JMJD1C: variants seen among roughly 807,000 people sequenced by gnomAD.
The protein encoded by JMJD1C is jumonji domain-containing protein 1C.
In JMJD1C, 31 loss-of-function variants were observed where a neutral mutation model predicts 245.3. That is an observed-to-expected ratio of 0.13 (90% CI 0.09 to 0.17). The LOEUF is 0.17. JMJD1C is among the 10% of genes least tolerant of loss of function. The pLI is 1.00. For missense variants in JMJD1C, 2,691 were observed against 3,000.2 expected (o/e 0.90, Z 2.41); for synonymous variants, 1,057 against 1,017.4 (o/e 1.04, Z -0.74).
intron 2 of JMJD1C, chr10:63,301,910 A>G (rs1466122580): frequency 7.1e-6 from 2 of 283,640 alleles, no homozygotes; most frequent in Non-Finnish European, 1.4e-5. Context: ...AAAACTTACT[A>G]TGACGTGGAA....
chr10:63,363,850 CTAA>C, intron 2 of JMJD1C, among the ~76,000 whole-genome samples: 1 of 142,016 alleles, frequency 7.0e-6, no homozygotes. Context: ...CCATGCCTGG[CTAA>C]TTTTTTTTTT....
At chr10:63,508,051 T>C (rs892701899) in intron 1 of JMJD1C, among the ~76,000 whole-genome samples, 1 of 151,344 alleles carries the variant, frequency 6.6e-6, no homozygotes, top group South Asian at 2.1e-4. Flanking sequence ...ACAGTGTCTT[T>C]TGCAGAGAAA....
chr10:63,311,821 T>C (rs1196785441), intron 2 of JMJD1C, among the ~76,000 whole-genome samples: 2 of 152,128 alleles, frequency 1.3e-5, no homozygotes, highest in East Asian at 3.9e-4. Flanking sequence ...ACAAGAACAC[T>C]TTTATTTCAA....
intron 10 of JMJD1C, chr10:63,203,815 G>A: frequency 1.0e-6 from 1 of 963,270 alleles, no homozygotes; most frequent in Non-Finnish European, 1.2e-6. Context: ...ATGTATAACG[G>A]TGTATGTAAT....
At chr10:63,380,549 G>T in intron 1 of JMJD1C, 67 bp from the exon 2 acceptor site, 1 of 1,217,426 alleles carries the variant, frequency 8.2e-7, no homozygotes. Flanking sequence ...TTTTACTAAT[G>T]CATAATAATT....
chr10:63,292,143 G>GTTTTTTTTTTTTTTTTTTTTT (rs1396774570), intron 2 of JMJD1C, among the ~76,000 whole-genome samples: 1 of 13,540 alleles, frequency 7.4e-5, no homozygotes, highest in Non-Finnish European at 1.8e-4. Context: ...TGTAGAGACA[G>GTTTTTTTTTTTTTTTTTTTTT]ATTTTTTTTT....
chr10:63,410,527 C>T (rs1167891861), intron 1 of JMJD1C, among the ~76,000 whole-genome samples: 1 of 152,100 alleles, frequency 6.6e-6, no homozygotes. Flanking sequence ...GAAAAACCTT[C>T]CATAAGAATC....
At chr10:63,432,966 C>T (rs1950851150) in intron 1 of JMJD1C, among the ~76,000 whole-genome samples, 1 of 152,186 alleles carries the variant, frequency 6.6e-6, no homozygotes, top group South Asian at 2.1e-4. Flanking sequence ...AAAGGTGATG[C>T]TTTCATTAAC....
At chr10:63,331,734 T>C (rs532047639) in intron 2 of JMJD1C, among the ~76,000 whole-genome samples, 2 of 152,276 alleles carry the variant, frequency 1.3e-5, no homozygotes, top group South Asian at 4.1e-4. Context: ...TGCCTCAGCC[T>C]CCCAAGAAGC....
At chr10:63,503,153 G>A (rs1954613545) in intron 1 of JMJD1C, among the ~76,000 whole-genome samples, 1 of 152,228 alleles carries the variant, frequency 6.6e-6, no homozygotes, top group South Asian at 2.1e-4. Flanking sequence ...TAATGACCAA[G>A]TTCCAAAAGC....
At chr10:63,180,114 TCTC>T (rs1026243221) in intron 22 of JMJD1C, among the ~76,000 whole-genome samples, 3 of 152,144 alleles carry the variant, frequency 2.0e-5, no homozygotes. Context: ...TTCAAGCGAT[TCTC>T]CTGTCTCAGC....
chr10:63,295,964 T>TACAC (rs1859346945), intron 2 of JMJD1C, among the ~76,000 whole-genome samples: 166 of 8,864 alleles, frequency 0.019, no homozygotes, highest in African/African-American at 0.033. Flanking sequence ...CGTATATGTG[T>TACAC]GTGTGTGTGT....
chr10:63,377,234 G>A (rs570068113), intron 2 of JMJD1C, among the ~76,000 whole-genome samples: 1 of 152,162 alleles, frequency 6.6e-6, no homozygotes, highest in South Asian at 2.1e-4. Flanking sequence ...AGAATGGTGG[G>A]CCAGGAAGAC....
intron 25 of JMJD1C, 47 bp downstream of exon 25, chr10:63,168,388 G>T (rs749097662): frequency 3.1e-5 from 48 of 1,550,122 alleles, no homozygotes; most frequent in Non-Finnish European, 3.5e-5. Context: ...TCATATTTCT[G>T]AATATAAAAA....
intron 1 of JMJD1C, among the ~76,000 whole-genome samples, chr10:63,387,795 C>G (rs1429496879): frequency 1.3e-5 from 2 of 151,212 alleles, no homozygotes; most frequent in Non-Finnish European, 2.9e-5. Context: ...ACCACCATGC[C>G]CGGCTAATTT....
intron 2 of JMJD1C, among the ~76,000 whole-genome samples, chr10:63,294,235 C>T (rs1322203555): frequency 6.6e-6 from 1 of 151,762 alleles, no homozygotes; most frequent in Admixed American, 6.6e-5. Context: ...CATTTATTCT[C>T]GTCTAATTTA....
intron 2 of JMJD1C, among the ~76,000 whole-genome samples, chr10:63,270,530 G>A (rs902348113): frequency 9.2e-5 from 14 of 151,838 alleles, no homozygotes; most frequent in East Asian, 1.9e-4. Context: ...GCAGTGGCGC[G>A]ATCTTGGCTC....
chr10:63,284,409 T>C (rs1300617506), intron 2 of JMJD1C, among the ~76,000 whole-genome samples: 6 of 152,176 alleles, frequency 3.9e-5, no homozygotes, highest in Non-Finnish European at 7.3e-5. Context: ...CTGTCATTCA[T>C]TCTGAAGAAT....
intron 1 of JMJD1C, among the ~76,000 whole-genome samples, chr10:63,490,694 G>A (rs1251286288): frequency 2.6e-5 from 4 of 152,116 alleles, no homozygotes; most frequent in Non-Finnish European, 5.9e-5. Flanking sequence ...GATTACAGGC[G>A]TGAGCCACCG....
Sources: gnomAD v4.1 joint callset for allele counts (sites outside exome capture counted in the v4.1 genomes callset) on GRCh38, gnomAD v4.1.1 for gene constraint, MANE v1.5 for transcripts, NCBI Gene and HGNC (gene_info 2026-07-23, HGNC 2026-07-21) for gene names.